The following CTSO variants were observed in gnomAD, a reference collection of about 807,000 sequenced individuals.
CTSO encodes cathepsin O.
In CTSO, 40 loss-of-function variants were observed where a neutral mutation model predicts 42.4. The ratio of observed to expected loss-of-function variants is 0.94; its 90% CI spans 0.73 to 1.23. The LOEUF is 1.23. Among genes scored for constraint, CTSO ranks in the 50% most tolerant of loss-of-function variants. The pLI is 0.00. For missense variants in CTSO, 441 were observed against 396.0 expected, an observed-to-expected ratio of 1.11 and a Z score of -0.96; for synonymous variants, 156 against 146.2, an observed-to-expected ratio of 1.07 and a Z score of -0.48.
intron 1 of CTSO, among the ~76,000 whole-genome samples, chr4:155,953,304 C>T (rs544100021): frequency 1.3e-5 from 2 of 152,152 alleles, no homozygotes; most frequent in South Asian, 4.2e-4. Flanking sequence ...TTTCTTCCAC[C>T]AACAGGCTGC....
chr4:155,925,983 T>A lies in CTSO; in HGVS notation c.*53A>T. 1 of 1,473,176 alleles carries A rather than the reference T, an allele frequency of 6.8e-7. No individual in the cohort carries two copies. The highest frequency in any genetic ancestry group is 1.2e-5 in the South Asian group (1 of 84,566). 91.3% of individuals were successfully genotyped at this position (1,473,176 alleles called of 1,614,324 possible). ...TAATACTTTGAAGTACTATGTTACA[T>A]TGCATTATGAAAACCTTCATTTTTG... On this transcript the variant is annotated 3_prime_UTR_variant, in exon 8 of 8. Coordinates refer to ENST00000433477, the MANE Select transcript of CTSO (RefSeq NM_001334.3).
intron 1 of CTSO, 77 bp downstream of exon 1, chr4:155,953,636 G>C: frequency 2.4e-6 from 3 of 1,227,314 alleles, no homozygotes; most frequent in Non-Finnish European, 3.0e-6. Context: ...GCTCTCGGGG[G>C]CCCTCTTCCG....
rs112495611 is a variant in CTSO, at chr4:155,939,576, T to C, written c.385-38A>G. On this transcript the variant is annotated intron_variant, in intron 3 of 7. Coordinates refer to ENST00000433477, the MANE Select transcript of CTSO (RefSeq NM_001334.3). ...AGAAAAAGGGGTGGTATTTCCAGGG[T>C]TTAAATCAACTTACCAACATCTCTA... 1.6e-3 allele frequency: 2,468 copies of C among 1,561,492 alleles called. 30 individuals carry two copies. In the African/African-American group the frequency reaches 0.03, roughly 19 times the overall value.
intron 3 of CTSO, 73 bp from the exon 4 acceptor site, chr4:155,939,611 A>T: frequency 7.4e-7 from 1 of 1,359,248 alleles, no homozygotes; most frequent in Non-Finnish European, 1.0e-6. Flanking sequence ...AAATGTAACA[A>T]GTTATCAAAT....
intron 1 of CTSO, among the ~76,000 whole-genome samples, chr4:155,947,411 C>T (rs1743568918): frequency 6.6e-6 from 1 of 152,158 alleles, no homozygotes; most frequent in Non-Finnish European, 1.5e-5. Context: ...ATAGAAATGG[C>T]GCTCAAAGAC....
At chr4:155,929,172 A>G (rs1039695098) in intron 6 of CTSO, among the ~76,000 whole-genome samples, 3 of 152,200 alleles carry the variant, frequency 2.0e-5, no homozygotes, top group Non-Finnish European at 4.4e-5. Flanking sequence ...TTTATTTCCC[A>G]TAAGGAATAC....
intron 7 of CTSO, among the ~76,000 whole-genome samples, chr4:155,927,424 C>T (rs374625897): frequency 1.5e-4 from 23 of 152,136 alleles, no homozygotes; most frequent in East Asian, 7.7e-4. Flanking sequence ...TTTTATAACA[C>T]GGTTAAAATT....
At position 155,926,041 on chromosome 4, in the gene CTSO, C is replaced by T; in HGVS notation, c.961G>A (p.Val321Met). The T allele has an allele frequency of 1.2e-6, 2 of 1,602,640 alleles. No individual in the cohort carries two copies. Among genetic ancestry groups the T allele is most frequent in the Non-Finnish European group, 8.5e-7 (1 of 1,174,398 alleles). Residue 321 changes from valine (V) to methionine (M), a missense_variant, in exon 8 of 8, where the codon GTG (valine) becomes ATG (methionine). Coordinates refer to ENST00000433477, the MANE Select transcript of CTSO (RefSeq NM_001334.3). ...CTCTTGATCTGCCCAACATGTCACACAAATATAGAAGAAACGGAATCTGCA... is the reference window on the plus strand; with the variant it reads ...CTCTTGATCTGCCCAACATGTCACATAAATATAGAAGAAACGGAATCTGCA... ...GIADSVSSIF[V>M]
chr4:155,946,465 G>A (rs1743548861), intron 1 of CTSO, among the ~76,000 whole-genome samples: 1 of 152,276 alleles, frequency 6.6e-6, no homozygotes, highest in East Asian at 1.9e-4. Context: ...CTTGTGCCAT[G>A]TGTTTGAAAA....
chr4:155,936,109 T>A (rs1743325509), intron 5 of CTSO, among the ~76,000 whole-genome samples: 1 of 152,214 alleles, frequency 6.6e-6, no homozygotes, highest in Non-Finnish European at 1.5e-5. Flanking sequence ...AGTCAGAGTT[T>A]ATAGGGCATA....
intron 4 of CTSO, 150 bp from the exon 5 acceptor site, chr4:155,937,633 G>A (rs1743353178): frequency 1.3e-6 from 1 of 785,514 alleles, no homozygotes; most frequent in African/African-American, 1.8e-5. Context: ...TTTCTTTTTT[G>A]AGACAGAGTT....
chr4:155,928,973 T>C (rs746883657), intron 6 of CTSO, among the ~76,000 whole-genome samples: 2 of 152,148 alleles, frequency 1.3e-5, no homozygotes, highest in South Asian at 2.1e-4. Flanking sequence ...GTGATGGCCA[T>C]GACGCCCACG....
intron 4 of CTSO, among the ~76,000 whole-genome samples, chr4:155,938,246 T>C (rs1295303628): frequency 6.6e-6 from 1 of 152,158 alleles, no homozygotes; most frequent in Non-Finnish European, 1.5e-5. Flanking sequence ...ACTTCATAGT[T>C]ATCTGTACAA....
chr4:155,931,840 A>C (rs1258741961), intron 5 of CTSO, among the ~76,000 whole-genome samples: 1 of 150,906 alleles, frequency 6.6e-6, no homozygotes, highest in Non-Finnish European at 1.5e-5. Flanking sequence ...AATGAATTAT[A>C]ATTATTATTC....
intron 1 of CTSO, among the ~76,000 whole-genome samples, chr4:155,953,021 A>G (rs1266009243): frequency 1.3e-5 from 2 of 151,792 alleles, no homozygotes. Flanking sequence ...GGTCCCTTCC[A>G]GAGTTTTCAT....
intron 1 of CTSO, 101 bp from the exon 2 acceptor site, chr4:155,943,365 G>A (rs1743475119): frequency 3.2e-6 from 2 of 621,822 alleles, no homozygotes; most frequent in Non-Finnish European, 5.7e-6. Flanking sequence ...TAAAGTTAAA[G>A]CTTGATTTCC....
intron 4 of CTSO, among the ~76,000 whole-genome samples, chr4:155,938,204 C>T (rs1412327602): frequency 6.6e-6 from 1 of 152,188 alleles, no homozygotes; most frequent in Non-Finnish European, 1.5e-5. Context: ...TATCACTTCA[C>T]TTTTATGCCA....
intron 5 of CTSO, among the ~76,000 whole-genome samples, chr4:155,933,683 G>A (rs1246367528): frequency 6.6e-6 from 1 of 152,186 alleles, no homozygotes; most frequent in Admixed American, 6.5e-5. Context: ...TGAGAAACTT[G>A]TGGGAAATGG....
intron 5 of CTSO, among the ~76,000 whole-genome samples, chr4:155,930,870 T>C (rs1743222635): frequency 1.3e-5 from 2 of 152,202 alleles, no homozygotes; most frequent in African/African-American, 4.8e-5. Context: ...TTTCTAATTT[T>C]TGCTACTGTA....
Sources: gnomAD v4.1 joint callset for allele counts (sites outside exome capture counted in the v4.1 genomes callset) on GRCh38, gnomAD v4.1.1 for gene constraint, MANE v1.5 for transcripts, NCBI Gene and HGNC (gene_info 2026-07-23, HGNC 2026-07-21) for gene names.